The following LARGE1 variants were observed in gnomAD, a reference collection of about 807,000 sequenced individuals.
LARGE1 encodes the protein xylosyl- and glucuronyltransferase LARGE1.
In LARGE1, 43 loss-of-function variants were observed where a neutral mutation model predicts 87.6. The ratio of observed to expected loss-of-function variants is 0.49; its 90% CI spans 0.38 to 0.63. LARGE1 has a LOEUF of 0.63. Among genes scored for constraint, LARGE1 ranks in the 30% least tolerant of loss-of-function variants. The pLI is 0.00. For missense variants in LARGE1, 802 were observed against 1,000.2 expected, an observed-to-expected ratio of 0.80 and a Z score of 2.67; for synonymous variants, 434 against 394.6, an observed-to-expected ratio of 1.10 and a Z score of -1.18.
chr22:33,375,954 C>G (rs760264074), intron 9 of LARGE1, among the ~76,000 whole-genome samples: 1 of 152,136 alleles, frequency 6.6e-6, no homozygotes, highest in Non-Finnish European at 1.5e-5. Context: ...GGTCAAATCA[C>G]TATTCTTGCA....
chr22:33,470,517 C>T (rs910678346), intron 6 of LARGE1, among the ~76,000 whole-genome samples: 2 of 152,174 alleles, frequency 1.3e-5, no homozygotes, highest in Non-Finnish European at 2.9e-5. Context: ...CCTTTTGCTC[C>T]ACGTTCTCCT....
At chr22:33,825,290 G>C (rs2062746114) in intron 1 of LARGE1, among the ~76,000 whole-genome samples, 1 of 151,890 alleles carries the variant, frequency 6.6e-6, no homozygotes, top group Non-Finnish European at 1.5e-5. Flanking sequence ...AATATGGGAT[G>C]GGGTATTAGT....
At chr22:33,306,920 C>T (rs1934998429) in intron 11 of LARGE1, among the ~76,000 whole-genome samples, 1 of 151,336 alleles carries the variant, frequency 6.6e-6, no homozygotes. Context: ...AGGTGCTGTG[C>T]ACATGAAAAA....
intron 8 of LARGE1, among the ~76,000 whole-genome samples, chr22:33,382,919 G>A (rs903008277): frequency 1.3e-5 from 2 of 152,104 alleles, no homozygotes; most frequent in Non-Finnish European, 2.9e-5. Context: ...TTTGAAAAAG[G>A]AAATCAGTTT....
In LARGE1 at chr22:33,360,017, A is replaced by G. The variant is rs576572090; in HGVS notation, c.1131+21902T>C. On this transcript the variant is annotated intron_variant, in intron 9 of 14. Coordinates refer to ENST00000397394, the MANE Select transcript of LARGE1 (RefSeq NM_133642.5). ...TGAAGGTTGCCAGTTAGAGTTCTGT[A>G]TTAGTCCATTCTTACATTGCTATAA... 1.0e-4 allele frequency among the ~76,000 whole-genome samples: 15 copies of G among 149,714 alleles called. 1 individual carries two copies. Among genetic ancestry groups the G allele is most frequent in the African/African-American group, 3.4e-4 (14 of 40,726 alleles).
At chr22:33,648,949 G>A (rs921096225) in intron 3 of LARGE1, among the ~76,000 whole-genome samples, 4 of 152,134 alleles carry the variant, frequency 2.6e-5, no homozygotes, top group African/African-American at 7.2e-5. Context: ...CTGAACGAAT[G>A]GATAAATAAA....
intron 2 of LARGE1, among the ~76,000 whole-genome samples, chr22:33,748,024 CAA>C (rs535230421): frequency 9.2e-5 from 2 of 21,734 alleles, no homozygotes; most frequent in Admixed American, 5.2e-4. Flanking sequence ...TCTGCTGGAG[CAA>C]AAAAAAAAAA....
At chr22:33,167,571 T>G (rs1922339886) in intron 11 of LARGE1, among the ~76,000 whole-genome samples, 1 of 152,182 alleles carries the variant, frequency 6.6e-6, no homozygotes, top group South Asian at 2.1e-4. Flanking sequence ...ACAGGTAAGG[T>G]TCCTGTTGCA....
At chr22:33,517,482 C>A (rs922291729) in intron 6 of LARGE1, among the ~76,000 whole-genome samples, 1 of 152,068 alleles carries the variant, frequency 6.6e-6, no homozygotes, top group Non-Finnish European at 1.5e-5. Flanking sequence ...TGGGTTCAAG[C>A]GCGATTCTCC....
chr22:33,383,984 T>C (rs951945540), intron 8 of LARGE1, among the ~76,000 whole-genome samples: 4 of 152,248 alleles, frequency 2.6e-5, no homozygotes, highest in African/African-American at 9.6e-5. Flanking sequence ...AGTGAAAGTC[T>C]GCCGAATGAA....
intron 6 of LARGE1, among the ~76,000 whole-genome samples, chr22:33,501,237 G>A (rs2070418991): frequency 6.6e-6 from 1 of 152,206 alleles, no homozygotes; most frequent in African/African-American, 2.4e-5. Flanking sequence ...GTCACCATCT[G>A]TAAAAGTTTA....
At chr22:33,516,056 A>G (rs1040328526) in intron 6 of LARGE1, among the ~76,000 whole-genome samples, 1 of 152,236 alleles carries the variant, frequency 6.6e-6, no homozygotes, top group African/African-American at 2.4e-5. Flanking sequence ...AGATAAATCC[A>G]TAGTGAAAGC....
At chr22:33,532,779 A>G (rs2076935772) in intron 6 of LARGE1, among the ~76,000 whole-genome samples, 1 of 152,192 alleles carries the variant, frequency 6.6e-6, no homozygotes, top group Non-Finnish European at 1.5e-5. Context: ...TCCCCTATAC[A>G]TACACCAAGA....
At chr22:33,343,328 C>G (rs1939373170) in intron 9 of LARGE1, among the ~76,000 whole-genome samples, 1 of 152,082 alleles carries the variant, frequency 6.6e-6, no homozygotes, top group Admixed American at 6.6e-5. Context: ...CTATGTTGTC[C>G]AGGCTGGTCT....
At chr22:33,267,960 A>C (rs1928039498), downstream of LARGE1, among the ~76,000 whole-genome samples, 1 of 145,658 alleles carries the variant, frequency 6.9e-6, no homozygotes, top group South Asian at 2.2e-4. Flanking sequence ...AAATTCAAGA[A>C]TTTTTTTTTT....
In LARGE1 at chr22:33,359,854, G is replaced by A. The variant is rs766734395; in HGVS notation, c.1132-22053C>T. On this transcript the variant is annotated intron_variant, in intron 9 of 14. Coordinates refer to ENST00000397394, the MANE Select transcript of LARGE1 (RefSeq NM_133642.5). ...GCTGGGATCACAGGCGTGAGCCACC[G>A]CACCCAGCCAGCAGACTCATCTTAA... 1.1e-4 allele frequency among the ~76,000 whole-genome samples: 16 copies of A among 149,328 alleles called. 1 individual carries two copies. Among genetic ancestry groups the A allele is most frequent in the Non-Finnish European group, 1.3e-4 (9 of 67,086 alleles).
chr22:33,598,151 G>GA (rs2079027678), intron 5 of LARGE1, among the ~76,000 whole-genome samples: 1 of 152,154 alleles, frequency 6.6e-6, no homozygotes, highest in Non-Finnish European at 1.5e-5. Context: ...CACAGAGAGG[G>GA]AAACAGGACA....
intron 11 of LARGE1, among the ~76,000 whole-genome samples, chr22:33,169,587 C>T (rs936233121): frequency 1.3e-5 from 2 of 152,032 alleles, no homozygotes; most frequent in Non-Finnish European, 2.9e-5. Context: ...CGCAGTGGCT[C>T]ACAACTGTAA....
chr22:33,909,608 G>A (rs766349911), intron 1 of LARGE1, among the ~76,000 whole-genome samples: 1 of 151,564 alleles, frequency 6.6e-6, no homozygotes, highest in South Asian at 2.1e-4. Flanking sequence ...GCATGATATC[G>A]GCTCACTGCA....
Sources: gnomAD v4.1 joint callset for allele counts (sites outside exome capture counted in the v4.1 genomes callset) on GRCh38, gnomAD v4.1.1 for gene constraint, MANE v1.5 for transcripts, NCBI Gene and HGNC (gene_info 2026-07-23, HGNC 2026-07-21) for gene names.